AFG3L2: variants seen among roughly 807,000 people sequenced by gnomAD.
AFG3L2 encodes the protein mitochondrial inner membrane m-AAA protease component AFG3L2.
AFG3L2 carries 54 observed loss-of-function variants against 94.5 expected under a neutral mutation model. The ratio of observed to expected loss-of-function variants is 0.57; its 90% CI spans 0.46 to 0.72. AFG3L2 has a LOEUF of 0.72. AFG3L2 is among the 30% of genes least tolerant of loss of function. The pLI is 0.00. For missense variants in AFG3L2, 754 were observed against 994.9 expected (o/e 0.76, Z 3.26); for synonymous variants, 377 against 365.5 (o/e 1.03, Z -0.36).
At chr18:12,329,902 T>A in intron 16 of AFG3L2, 119 bp from the exon 17 acceptor site, 3 of 864,980 alleles carry the variant, frequency 3.5e-6, no homozygotes, top group Non-Finnish European at 5.6e-6. Flanking sequence ...ATGAAAAAGA[T>A]GTCTCATACA....
At chr18:12,370,753 C>A in intron 3 of AFG3L2, 96 bp downstream of exon 3, 1 of 874,038 alleles carries the variant, frequency 1.1e-6, no homozygotes, top group Non-Finnish European at 1.8e-6. Context: ...GACACTGTGC[C>A]CGGCCTGATA....
intron 12 of AFG3L2, 83 bp from the exon 13 acceptor site, chr18:12,348,466 G>T: frequency 9.5e-7 from 1 of 1,054,936 alleles, no homozygotes; most frequent in Non-Finnish European, 1.5e-6. Context: ...CAAATCCATA[G>T]TTAATTTTTA....
At chr18:12,353,283 G>A in intron 9 of AFG3L2, 125 bp from the exon 10 acceptor site, 2 of 1,168,582 alleles carry the variant, frequency 1.7e-6, no homozygotes, top group Non-Finnish European at 2.4e-6. Context: ...GGGAGGCCGA[G>A]GCTGGTGGAT....
intron 1 of AFG3L2, among the ~76,000 whole-genome samples, chr18:12,372,962 G>A (rs576151732): frequency 6.6e-6 from 1 of 152,354 alleles, no homozygotes; most frequent in African/African-American, 2.4e-5. Flanking sequence ...ATTGGAGACA[G>A]TGATGATGGT....
intron 3 of AFG3L2, among the ~76,000 whole-genome samples, chr18:12,367,699 G>C (rs1206957834): frequency 6.6e-6 from 1 of 152,186 alleles, no homozygotes; most frequent in Non-Finnish European, 1.5e-5. Context: ...GCAGTGTTAG[G>C]GGACAGTGAA....
At chr18:12,376,454 G>T (rs1909159036) in intron 1 of AFG3L2, among the ~76,000 whole-genome samples, 1 of 152,174 alleles carries the variant, frequency 6.6e-6, no homozygotes, top group African/African-American at 2.4e-5. Context: ...CGAACACAGA[G>T]TCCCTGCTAT....
intron 9 of AFG3L2, among the ~76,000 whole-genome samples, chr18:12,353,514 CAAAAA>C (rs71172076): frequency 1.2e-5 from 1 of 81,058 alleles, no homozygotes; most frequent in Non-Finnish European, 2.4e-5. Context: ...AATTCTGTCT[CAAAAA>C]AAAAAAAAAA....
intron 5 of AFG3L2, among the ~76,000 whole-genome samples, chr18:12,365,161 C>T (rs143566695): frequency 2.6e-4 from 40 of 152,360 alleles, no homozygotes; most frequent in African/African-American, 8.7e-4. Context: ...CGGGGAGCAA[C>T]TGTTCTTAAA....
In AFG3L2 at chr18:12,356,666, T is replaced by C. The variant is rs756839809; in HGVS notation, c.1164+28A>G. ...GGTGAAGTGGTGGGTGCAAGGAAGC[T>C]GTACCATCCGAACAGAATGAGACTC... is the stretch of plus-strand genomic sequence containing the variant. On this transcript the variant is annotated intron_variant, in intron 9 of 16. Coordinates refer to ENST00000269143, the MANE Select transcript of AFG3L2 (RefSeq NM_006796.3). 6.2e-6 allele frequency: 10 copies of C among 1,613,920 alleles called. No homozygotes were observed. The Admixed American group carries it at 1.5e-4, about 24-fold the overall frequency.
At position 12,356,762 on chromosome 18, in the gene AFG3L2, T is replaced by C. The variant is rs1326471610; in HGVS notation, c.1096A>G (p.Asn366Asp). ...LLAKATAGEA[N>D]VPFITVSGSE... is the part of the protein sequence containing the mutation. ...CCACTAACGGTGATGAAGGGGACAT[T>C]GGCTTCTCCGGCTGTGGCCTTAGCT... is the stretch of plus-strand genomic sequence containing the variant. Residue 366 changes from asparagine to aspartate, a missense_variant, in exon 9 of 17, where the codon AAT (asparagine) becomes GAT (aspartate). Physicochemically the swap from Asn to Asp is conservative, Grantham distance 23. Transcript: ENST00000269143. The C allele has an allele frequency of 2.5e-6, 4 of 1,614,116 alleles. No individual in the cohort carries two copies. In the Admixed American group the frequency reaches 5.0e-5, roughly 20 times the overall value.
intron 3 of AFG3L2, among the ~76,000 whole-genome samples, chr18:12,369,963 G>A (rs1436404636): frequency 6.7e-6 from 1 of 148,288 alleles, no homozygotes; most frequent in Non-Finnish European, 1.5e-5. Flanking sequence ...GCTGAGGCAG[G>A]AGAATGGTGC....
rs2143070492 is a variant in AFG3L2 at position 12,328,945 on chromosome 18, G to A, written c.*620C>T. Reference sequence around the variant, plus strand: ...CAGAGCATAAATAGGGACCCTATGTGTGTTCAGAAAAGTACAGTGTTGACA... The same window carrying A: ...CAGAGCATAAATAGGGACCCTATGTATGTTCAGAAAAGTACAGTGTTGACA... On this transcript the variant is annotated 3_prime_UTR_variant, in exon 17 of 17. Coordinates refer to ENST00000269143, the MANE Select transcript of AFG3L2 (RefSeq NM_006796.3). 1 of 530,660 alleles carries A rather than the reference G, an allele frequency of 1.9e-6. No homozygotes were observed. Among genetic ancestry groups the A allele is most frequent in the East Asian group, 2.9e-5 (1 of 34,254 alleles). 32.9% of individuals were successfully genotyped at this position (530,660 alleles called of 1,614,324 possible). A position where few individuals can be genotyped will look rare whatever the true frequency, so the allele number is the denominator to read the frequency against.
chr18:12,375,065 AAAAAAAGAAAAG>A (rs1257568929), intron 1 of AFG3L2, among the ~76,000 whole-genome samples: 1 of 151,414 alleles, frequency 6.6e-6, no homozygotes. Context: ...CAAAAAAAAA[AAAAAAAGAAAAG>A]AAAAGAAAAG....
At chr18:12,356,389 C>T (rs1232370200) in intron 9 of AFG3L2, among the ~76,000 whole-genome samples, 1 of 152,162 alleles carries the variant, frequency 6.6e-6, no homozygotes, top group East Asian at 1.9e-4. Context: ...TGACTTCAAG[C>T]GTTCCACCCA....
In AFG3L2 at chr18:12,376,886, C is replaced by G. The variant is rs1909175905; in HGVS notation, c.114+83G>C. 7 of 1,096,040 alleles carry G rather than the reference C, an allele frequency of 6.4e-6. No homozygotes were observed. The South Asian group carries it at 1.5e-4, about 23-fold the overall frequency. The allele number at this position is 1,096,040 out of a possible 1,614,324, so 67.9% of individuals were successfully genotyped here. A position where few individuals can be genotyped will look rare whatever the true frequency, so the allele number is the denominator to read the frequency against. On this transcript the variant is annotated intron_variant, in intron 1 of 16. Transcript: ENST00000269143. ...CCGCGTGCGGCCGGAGGGCGGGGGC[C>G]AGTGACCTTGACGTCCGCTCTCCCG...
chr18:12,376,223 C>T (rs113376017), intron 1 of AFG3L2, among the ~76,000 whole-genome samples: 60 of 152,326 alleles, frequency 3.9e-4, no homozygotes, highest in African/African-American at 1.3e-3. Flanking sequence ...GGGACCTCAA[C>T]CACCACCCGT....
intron 16 of AFG3L2, among the ~76,000 whole-genome samples, chr18:12,336,005 C>T (rs1422413753): frequency 2.6e-5 from 4 of 152,228 alleles, no homozygotes; most frequent in African/African-American, 9.6e-5. Flanking sequence ...AGAAATTTGG[C>T]ATGGCTGACT....
At chr18:12,350,981 G>T in intron 12 of AFG3L2, 104 bp downstream of exon 12, 1 of 1,454,036 alleles carries the variant, frequency 6.9e-7, no homozygotes, top group East Asian at 2.3e-5. Flanking sequence ...AACTTAGGAA[G>T]CCCACAGTAA....
chr18:12,361,953 G>A (rs1194507943), intron 6 of AFG3L2, among the ~76,000 whole-genome samples: 1 of 152,188 alleles, frequency 6.6e-6, no homozygotes, highest in Non-Finnish European at 1.5e-5. Context: ...CAAACGCCTG[G>A]CTCCCATCAC....
Sources: gnomAD v4.1 joint callset for allele counts (sites outside exome capture counted in the v4.1 genomes callset) on GRCh38, gnomAD v4.1.1 for gene constraint, MANE v1.5 for transcripts, NCBI Gene and HGNC (gene_info 2026-07-23, HGNC 2026-07-21) for gene names.